Variants in DOCK1 observed in about 807,000 individuals in gnomAD.
DOCK1 encodes the protein dedicator of cytokinesis 1, also known as dedicator of cytokinesis protein 1.
A neutral mutation model predicts 262.7 loss-of-function variants in DOCK1; 138 were observed. The ratio of observed to expected loss-of-function variants is 0.53; its 90% CI spans 0.46 to 0.61. The LOEUF (loss-of-function observed/expected upper bound fraction) is 0.61, where lower values mean the gene tolerates loss of function less well. Among genes scored for constraint, DOCK1 ranks in the 20% least tolerant of loss-of-function variants. The pLI, the probability that DOCK1 is intolerant of heterozygous loss-of-function variation, is 0.00. For missense variants in DOCK1, 1,908 were observed against 2,370.7 expected (o/e 0.80, Z 4.05); for synonymous variants, 866 against 867.4 (o/e 1.00, Z 0.03).
chr10:127,420,949 C>G (rs2068471551), intron 46 of DOCK1, among the ~76,000 whole-genome samples: 1 of 151,590 alleles, frequency 6.6e-6, no homozygotes, highest in East Asian at 1.9e-4. Context: ...TGAAGTCTCG[C>G]TCTGTTGCCC....
intron 29 of DOCK1, among the ~76,000 whole-genome samples, chr10:127,309,885 T>C (rs2062002059): frequency 6.6e-6 from 1 of 151,936 alleles, no homozygotes; most frequent in Non-Finnish European, 1.5e-5. Flanking sequence ...GTTCTTTTTT[T>C]TTTTTTTTGA....
intron 27 of DOCK1, among the ~76,000 whole-genome samples, chr10:127,203,964 T>G (rs904053161): frequency 1.3e-5 from 2 of 152,190 alleles, no homozygotes; most frequent in African/African-American, 4.8e-5. Context: ...GCTTAATGTT[T>G]TTTTCTCTTT....
chr10:127,127,825 C>T (rs2050060715), intron 27 of DOCK1, 61 bp downstream of exon 27: 5 of 1,443,812 alleles, frequency 3.5e-6, no homozygotes, highest in African/African-American at 1.4e-5. Context: ...CCTTCTCCAA[C>T]TGCTGTTTGA....
At chr10:126,935,113 AAG>A (rs2034480374) in intron 1 of DOCK1, among the ~76,000 whole-genome samples, 1 of 152,226 alleles carries the variant, frequency 6.6e-6, no homozygotes, top group South Asian at 2.1e-4. Flanking sequence ...GTCTCAAAAA[AAG>A]AGAGAAATAT....
intron 50 of DOCK1, among the ~76,000 whole-genome samples, 181 bp from the exon 51 acceptor site, chr10:127,447,213 G>A (rs915050462): frequency 6.6e-6 from 1 of 152,204 alleles, no homozygotes; most frequent in Admixed American, 6.5e-5. Flanking sequence ...CGTTAGGAGA[G>A]GGTCCCACCC....
At chr10:127,013,222 T>C (rs1035801270) in intron 12 of DOCK1, among the ~76,000 whole-genome samples, 1 of 152,160 alleles carries the variant, frequency 6.6e-6, no homozygotes, top group African/African-American at 2.4e-5. Context: ...CCCCCCTTTC[T>C]GGCAAACAGT....
At chr10:127,268,160 G>A (rs537916836) in intron 29 of DOCK1, among the ~76,000 whole-genome samples, 1 of 152,114 alleles carries the variant, frequency 6.6e-6, no homozygotes. Flanking sequence ...AATGTCACTA[G>A]TGTCTCCATG....
At chr10:126,994,814 G>A (rs1172122617) in intron 6 of DOCK1, among the ~76,000 whole-genome samples, 1 of 152,156 alleles carries the variant, frequency 6.6e-6, no homozygotes, top group African/African-American at 2.4e-5. Flanking sequence ...ATCATGGCCC[G>A]TTCTCAATGA....
intron 28 of DOCK1, among the ~76,000 whole-genome samples, chr10:127,252,396 T>C (rs1382572242): frequency 2.7e-5 from 4 of 149,788 alleles, no homozygotes; most frequent in Non-Finnish European, 4.5e-5. Context: ...TTTAATTAGA[T>C]CCCATTTGTC....
At chr10:127,247,355 C>T (rs986549684) in intron 27 of DOCK1, among the ~76,000 whole-genome samples, 1 of 152,086 alleles carries the variant, frequency 6.6e-6, no homozygotes, top group Non-Finnish European at 1.5e-5. Flanking sequence ...TCCTTCTTCT[C>T]GGGGAGGAGA....
intron 1 of DOCK1, among the ~76,000 whole-genome samples, chr10:126,942,031 TC>T (rs2035048811): frequency 1.3e-5 from 2 of 152,030 alleles, no homozygotes; most frequent in East Asian, 3.9e-4. Flanking sequence ...TTGCTCTTTT[TC>T]TTTTTTTTTT....
At chr10:127,222,222 A>G (rs1251428858) in intron 27 of DOCK1, among the ~76,000 whole-genome samples, 2 of 152,198 alleles carry the variant, frequency 1.3e-5, no homozygotes, top group African/African-American at 4.8e-5. Flanking sequence ...CACTCATGCC[A>G]GCATTTCCAG....
At chr10:127,242,702 A>G (rs1261600100) in intron 27 of DOCK1, among the ~76,000 whole-genome samples, 1 of 152,080 alleles carries the variant, frequency 6.6e-6, no homozygotes, top group Non-Finnish European at 1.5e-5. Flanking sequence ...ATTCATTTTC[A>G]TTGCTTTTTA....
intron 23 of DOCK1, among the ~76,000 whole-genome samples, chr10:127,091,739 G>A (rs1048338792): frequency 1.3e-5 from 2 of 152,164 alleles, no homozygotes; most frequent in South Asian, 2.1e-4. Flanking sequence ...ATTGAAGAAA[G>A]CAAAATCAGC....
intron 1 of DOCK1, among the ~76,000 whole-genome samples, chr10:126,963,656 TTCCTTCCTTCCTTCCTCCC>T (rs2037447480): frequency 4.6e-5 from 4 of 86,490 alleles, no homozygotes; most frequent in Non-Finnish European, 9.7e-5. Flanking sequence ...CCTTCCTTCC[TTCCTTCCTTCCTTCCTCCC>T]TCCCTTCCTC....
chr10:127,070,587 C>T (rs1002336419), intron 23 of DOCK1, among the ~76,000 whole-genome samples: 6 of 151,822 alleles, frequency 4.0e-5, no homozygotes, highest in African/African-American at 9.7e-5. Flanking sequence ...GTTTCACCCA[C>T]GGTAGACGTC....
At chr10:127,088,259 G>C (rs554904237) in intron 23 of DOCK1, among the ~76,000 whole-genome samples, 1 of 152,104 alleles carries the variant, frequency 6.6e-6, no homozygotes, top group Admixed American at 6.5e-5. Flanking sequence ...ACTGTTTACC[G>C]TCGTCTTCTG....
rs77353929 is a variant in DOCK1 at position 127,158,578 on chromosome 10, C to G, written c.2847+30814C>G. The stretch of plus-strand genomic sequence containing the variant: ...GGCGTTCAGTTAATGTTGATGTAGC[C>G]AAGTCATAGAGTCCATATTTGTATT... On this transcript the variant is annotated intron_variant, in intron 27 of 51. Transcript: ENST00000623213. Among the ~76,000 whole-genome samples, 13 of 152,188 alleles carry G rather than the reference C, an allele frequency of 8.5e-5. No individual in the cohort carries two copies. The East Asian group carries it at 1.9e-3, about 23-fold the overall frequency.
chr10:127,402,904 G>A, intron 38 of DOCK1, 151 bp from the exon 39 acceptor site: 11 of 811,460 alleles, frequency 1.4e-5, no homozygotes, highest in Non-Finnish European at 2.1e-5. Context: ...TGAGACTCAA[G>A]AAAATATTTG....
Sources: allele counts gnomAD v4.1 joint callset (sites outside exome capture counted in the v4.1 genomes callset), GRCh38; gene constraint gnomAD v4.1.1; transcripts MANE v1.5; gene names NCBI Gene and HGNC (gene_info 2026-07-23, HGNC 2026-07-21).